Variants in NLGN1 observed in about 807,000 individuals in gnomAD.
NLGN1 encodes neuroligin 1.
In NLGN1, 12 loss-of-function variants were observed where a neutral mutation model predicts 65.5. That is an observed-to-expected ratio of 0.18 (90% CI 0.12 to 0.30). The LOEUF (loss-of-function observed/expected upper bound fraction) is 0.30, where lower values mean the gene tolerates loss of function less well. Ranked by LOEUF, NLGN1 falls within the 10% of genes least tolerant of loss-of-function variation. The pLI is 1.00. For missense variants in NLGN1, 750 were observed against 1,007.1 expected (o/e 0.74, Z 3.46); for synonymous variants, 350 against 359.5 (o/e 0.97, Z 0.30).
chr3:174,188,486 A>G (rs1731820958), intron 4 of NLGN1, among the ~76,000 whole-genome samples: 1 of 151,978 alleles, frequency 6.6e-6, no homozygotes, highest in African/African-American at 2.4e-5. Flanking sequence ...CCTACTTAAC[A>G]GGAACTACTG....
intron 4 of NLGN1, among the ~76,000 whole-genome samples, chr3:174,058,510 T>G (rs1736664820): frequency 6.6e-6 from 1 of 152,070 alleles, no homozygotes; most frequent in South Asian, 2.1e-4. Flanking sequence ...CCTTTCCTAG[T>G]GCCTGTCAAA....
At chr3:173,567,714 A>G (rs1169360685) in intron 2 of NLGN1, among the ~76,000 whole-genome samples, 1 of 151,896 alleles carries the variant, frequency 6.6e-6, no homozygotes, top group African/African-American at 2.4e-5. Context: ...GCTGCTATAA[A>G]TTATTGTGAG....
At chr3:173,650,334 A>C (rs1305750812) in intron 3 of NLGN1, among the ~76,000 whole-genome samples, 1 of 152,208 alleles carries the variant, frequency 6.6e-6, no homozygotes, top group African/African-American at 2.4e-5. Flanking sequence ...ATATAGATAA[A>C]TATGAATGTA....
intron 4 of NLGN1, among the ~76,000 whole-genome samples, chr3:174,138,819 A>G (rs1219411929): frequency 6.6e-6 from 1 of 152,110 alleles, no homozygotes; most frequent in Non-Finnish European, 1.5e-5. Flanking sequence ...TGCTTTACTT[A>G]TCAATCTTTA....
intron 2 of NLGN1, among the ~76,000 whole-genome samples, chr3:173,444,994 G>A (rs987385728): frequency 6.6e-6 from 1 of 150,914 alleles, no homozygotes. Context: ...GGCCGGGCGC[G>A]GTCGCGGCTC....
At chr3:173,824,611 C>T (rs1720963719) in intron 4 of NLGN1, among the ~76,000 whole-genome samples, 1 of 152,024 alleles carries the variant, frequency 6.6e-6, no homozygotes. Context: ...ACATGTTTGA[C>T]TTACATAACC....
At chr3:174,076,313 A>G (rs1377624865) in intron 4 of NLGN1, among the ~76,000 whole-genome samples, 1 of 152,122 alleles carries the variant, frequency 6.6e-6, no homozygotes, top group Non-Finnish European at 1.5e-5. Context: ...TATTTATTTA[A>G]CAAAGTCTGT....
intron 4 of NLGN1, among the ~76,000 whole-genome samples, chr3:174,126,929 A>G (rs937990465): frequency 1.3e-5 from 2 of 152,172 alleles, no homozygotes; most frequent in Non-Finnish European, 2.9e-5. Context: ...ATGTGCTAGC[A>G]TGGCATGCTA....
intron 4 of NLGN1, among the ~76,000 whole-genome samples, chr3:174,203,728 C>T (rs891315781): frequency 2.0e-5 from 3 of 152,146 alleles, no homozygotes; most frequent in Non-Finnish European, 4.4e-5. Context: ...GCTCATAAAG[C>T]AGGATCTTTT....
At chr3:173,908,293 A>G (rs1024121188) in intron 4 of NLGN1, among the ~76,000 whole-genome samples, 3 of 152,174 alleles carry the variant, frequency 2.0e-5, no homozygotes, top group African/African-American at 7.2e-5. Flanking sequence ...GCAACTTACC[A>G]ATACCAACCT....
chr3:173,423,371 C>G (rs1480820659), intron 1 of NLGN1, among the ~76,000 whole-genome samples: 3 of 152,168 alleles, frequency 2.0e-5, no homozygotes, highest in African/African-American at 7.2e-5. Context: ...AAAGACTTAA[C>G]TCATTCCGGC....
chr3:173,716,314 G>T (rs1015862897), intron 3 of NLGN1, among the ~76,000 whole-genome samples: 3 of 152,104 alleles, frequency 2.0e-5, no homozygotes, highest in East Asian at 3.8e-4. Context: ...ATGAGTGCTT[G>T]TCAATAGGGT....
intron 2 of NLGN1, among the ~76,000 whole-genome samples, chr3:173,503,555 TA>T (rs1351853010): frequency 2.0e-5 from 3 of 152,098 alleles, no homozygotes; most frequent in African/African-American, 7.2e-5. Flanking sequence ...TAGAAGATTT[TA>T]CTTTTTAAAT....
intron 3 of NLGN1, among the ~76,000 whole-genome samples, chr3:173,687,269 C>T (rs1045614432): frequency 2.0e-5 from 3 of 152,174 alleles, no homozygotes; most frequent in African/African-American, 7.2e-5. Context: ...GCACATTTTA[C>T]TAAAATGAAG....
Position 174,026,428 on chromosome 3 carries a change from C to G in NLGN1, c.646+218596C>G, listed in dbSNP as rs1377572641. ...GTCATGAACCACCACACCTGGCCTA[C>G]ATGATTTTTTTAAATCCTAATATCC... On this transcript the variant is annotated intron_variant, in intron 4 of 6. Coordinates refer to ENST00000457714, the Ensembl canonical transcript of NLGN1. 3.3e-5 allele frequency among the ~76,000 whole-genome samples: 5 copies of G among 152,248 alleles called. No homozygotes were observed. In the East Asian group the frequency reaches 9.7e-4, roughly 29 times the overall value.
intron 3 of NLGN1, among the ~76,000 whole-genome samples, chr3:173,720,267 T>C (rs3850179): frequency 0.87 from 132,365 of 152,144 alleles, 57,739 homozygotes; most frequent in East Asian, 1. Context: ...TTAAATATTT[T>C]GAGGCGGGGG....
At chr3:173,663,520 T>C (rs902233397) in intron 3 of NLGN1, among the ~76,000 whole-genome samples, 2 of 152,002 alleles carry the variant, frequency 1.3e-5, no homozygotes, top group African/African-American at 4.8e-5. Flanking sequence ...AAAAAGAAAG[T>C]TCTTGCATAT....
chr3:174,018,016 C>T (rs1003566990), intron 4 of NLGN1, among the ~76,000 whole-genome samples: 1 of 152,192 alleles, frequency 6.6e-6, no homozygotes, highest in Admixed American at 6.6e-5. Context: ...TATCTGCAAC[C>T]ATAAAAGACA....
intron 2 of NLGN1, among the ~76,000 whole-genome samples, chr3:173,442,024 C>T (rs1054109021): frequency 6.6e-6 from 1 of 151,900 alleles, no homozygotes; most frequent in African/African-American, 2.4e-5. Flanking sequence ...GTGTATTAGC[C>T]CCTTTAACTT....
Sources: allele counts gnomAD v4.1 joint callset (sites outside exome capture counted in the v4.1 genomes callset), GRCh38; gene constraint gnomAD v4.1.1; transcripts MANE v1.5; gene names NCBI Gene and HGNC (gene_info 2026-07-23, HGNC 2026-07-21).